SEC23A: variants seen among roughly 807,000 people sequenced by gnomAD.
SEC23A encodes protein transport protein Sec23A.
Under a neutral mutation model 103.7 loss-of-function variants are expected in SEC23A, and 56 were observed. That is an observed-to-expected ratio of 0.54 (90% CI 0.44 to 0.67). The LOEUF is 0.67. Ranked by LOEUF, SEC23A falls within the 30% of genes least tolerant of loss-of-function variation. The probability of loss-of-function intolerance (pLI) is 0.00; values close to 1 mark genes in which losing one functional copy is unlikely to be tolerated. For synonymous variants in SEC23A, 281 were observed against 293.0 expected (o/e 0.96, Z 0.42); for missense variants, 784 against 936.4 (o/e 0.84, Z 2.12).
In SEC23A at chr14:39,063,405, T is replaced by C; in HGVS notation, c.1317A>G (p.Gly439=). ...TCTTCCACTGACATGTGCCACCTGT[T>C]CCTATCTCCTGTAAAAATAAAATAT... ...KGPCVSENEI[G]TGGTCQWKIC... The change falls in exon 12 of 20, where the codon GGA becomes GGG. Residue 439 remains glycine, a synonymous_variant. Transcript: ENST00000307712. 6.3e-7 allele frequency: 1 copy of C among 1,596,282 alleles called. No individual in the cohort carries two copies. Among genetic ancestry groups the C allele is most frequent in the Non-Finnish European group, 8.6e-7 (1 of 1,164,162 alleles).
chr14:39,033,858 G>C (rs1331083264), intron 19 of SEC23A, among the ~76,000 whole-genome samples: 3 of 151,998 alleles, frequency 2.0e-5, no homozygotes, highest in Non-Finnish European at 4.4e-5. Context: ...GAATGATCTT[G>C]GTAACCCAAT....
At chr14:39,058,301 T>A (rs371985422) in intron 13 of SEC23A, among the ~76,000 whole-genome samples, 135 of 150,608 alleles carry the variant, frequency 9.0e-4, no homozygotes, top group East Asian at 5.8e-4. Context: ...TTTTTTTTTT[T>A]AATTTTTTTT....
intron 5 of SEC23A, chr14:39,088,019 C>A (rs72671398): frequency 6.6e-6 from 1 of 152,040 alleles, no homozygotes; most frequent in East Asian, 1.9e-4. Context: ...TAAGGGTTTA[C>A]ACCATATTGA....
At chr14:39,062,325 A>T (rs1886506017) in intron 12 of SEC23A, among the ~76,000 whole-genome samples, 1 of 152,164 alleles carries the variant, frequency 6.6e-6, no homozygotes, top group African/African-American at 2.4e-5. Context: ...AAATCCAAAA[A>T]TCCAAAATCC....
At chr14:39,063,051 T>C (rs1886532666) in intron 12 of SEC23A, among the ~76,000 whole-genome samples, 1 of 152,096 alleles carries the variant, frequency 6.6e-6, no homozygotes, top group Non-Finnish European at 1.5e-5. Context: ...CAATTTTATA[T>C]TCAAAAAAAA....
Position 39,103,137 on chromosome 14 carries a change from G to A in SEC23A, c.-127C>T, listed in dbSNP as rs890064401. Reference sequence around the variant, plus strand: ...AAAATCTGTCCTCTCCGCCCAGCAGGAGCAGTCCGTGGCACCGCAATCAGG... The same window carrying A: ...AAAATCTGTCCTCTCCGCCCAGCAGAAGCAGTCCGTGGCACCGCAATCAGG... On this transcript the variant is annotated 5_prime_UTR_variant, in exon 1 of 20. Transcript: ENST00000307712. The A allele has an allele frequency of 6.6e-6, 1 of 152,118 alleles. No homozygotes were observed. Among genetic ancestry groups the A allele is most frequent in the African/African-American group, 2.4e-5 (1 of 41,350 alleles). 9.4% of individuals were successfully genotyped at this position (152,118 alleles called of 1,614,324 possible).
intron 14 of SEC23A, among the ~76,000 whole-genome samples, chr14:39,052,424 T>A (rs1238731236): frequency 6.6e-6 from 1 of 152,170 alleles, no homozygotes; most frequent in East Asian, 1.9e-4. Context: ...TCTGAAGAAT[T>A]ACAATCATCT....
At chr14:39,093,012 T>C (rs1006380144) in intron 3 of SEC23A, 175 bp downstream of exon 3, 31 of 519,122 alleles carry the variant, frequency 6.0e-5, no homozygotes, top group Non-Finnish European at 9.2e-5. Context: ...TACAGGCGCC[T>C]GCCACCACGC....
chr14:39,041,972 A>C (rs1241013927), intron 17 of SEC23A, among the ~76,000 whole-genome samples: 1 of 151,998 alleles, frequency 6.6e-6, no homozygotes, highest in Non-Finnish European at 1.5e-5. Context: ...TTTTTTGTAG[A>C]GACAGGGTCT....
chr14:39,066,342 T>A (rs1594459153), intron 10 of SEC23A, among the ~76,000 whole-genome samples: 1 of 152,180 alleles, frequency 6.6e-6, no homozygotes, highest in African/African-American at 2.4e-5. Flanking sequence ...GTTAATTTAA[T>A]AAGAATCAAT....
intron 19 of SEC23A, among the ~76,000 whole-genome samples, chr14:39,034,071 A>G (rs558067493): frequency 6.6e-6 from 1 of 152,360 alleles, no homozygotes; most frequent in African/African-American, 2.4e-5. Flanking sequence ...AGTCTGGCAT[A>G]GCCACAAACA....
At chr14:39,078,473 C>G (rs1362484142) in intron 7 of SEC23A, among the ~76,000 whole-genome samples, 1 of 152,012 alleles carries the variant, frequency 6.6e-6, no homozygotes, top group Non-Finnish European at 1.5e-5. Flanking sequence ...AGCAATGAAC[C>G]AAAGAAGAAA....
At chr14:39,045,936 T>C (rs566044921) in intron 15 of SEC23A, among the ~76,000 whole-genome samples, 5 of 152,250 alleles carry the variant, frequency 3.3e-5, no homozygotes, top group African/African-American at 1.2e-4. Flanking sequence ...TCACCTTGAA[T>C]TGTCAATTCA....
chr14:39,079,622 C>G (rs1014943706), intron 7 of SEC23A, among the ~76,000 whole-genome samples: 1 of 152,042 alleles, frequency 6.6e-6, no homozygotes, highest in African/African-American at 2.4e-5. Context: ...GAGTTCGAGA[C>G]CAGCCTGGCT....
Position 39,045,288 on chromosome 14 carries a change from C to T in SEC23A, c.1774G>A (p.Val592Ile). The change falls in exon 16 of 20, where the codon GTT becomes ATT. Residue 592 changes from valine (V) to isoleucine (I), a missense_variant. This residue lies in a region of SEC23A where 683 missense variants were observed against 774.2 expected (regional missense o/e 0.88). Transcript: ENST00000307712. ...CTCTCATCAGGACTATTGTTAAAAA[C>T]TTGCAGGAAAGAAGATCTTCTTAAA... ...FHLRRSSFLQ[V>I]FNNSPDESSY... 1 of 1,611,266 alleles carries T rather than the reference C, an allele frequency of 6.2e-7. No individual in the cohort carries two copies. Among genetic ancestry groups the T allele is most frequent in the Non-Finnish European group, 8.5e-7 (1 of 1,177,676 alleles).
At chr14:39,097,898 A>G (rs956218814) in intron 1 of SEC23A, among the ~76,000 whole-genome samples, 3 of 152,124 alleles carry the variant, frequency 2.0e-5, no homozygotes, top group Admixed American at 1.3e-4. Context: ...CAGCCTGGTC[A>G]ACATGGCAAA....
Position 39,059,278 on chromosome 14 carries a change from TAAAAAAAA to T in SEC23A, c.1505+2479_1505+2486del, listed in dbSNP as rs750853379. On this transcript the variant is annotated intron_variant, in intron 13 of 19. Transcript: ENST00000307712. ...GGCCCCTAAAGTCATAGTCCTAGTT[TAAAAAAAA>T]AAAAAAAAAAAAAAAAAAAAAAAAC... Among the ~76,000 whole-genome samples the T allele has an allele frequency of 8.4e-4, 60 of 71,828 alleles. No individual in the cohort carries two copies. In the East Asian group the frequency reaches 9.7e-3, roughly 12 times the overall value. The allele number at this position is 71,828 out of a possible 152,430, so 47.1% of individuals were successfully genotyped here.
chr14:39,064,733 T>C, intron 11 of SEC23A, 180 bp downstream of exon 11: 3 of 618,592 alleles, frequency 4.8e-6, no homozygotes, highest in South Asian at 3.7e-5. Flanking sequence ...TCGCTGTGTC[T>C]TTTTTTCTTT....
At chr14:39,037,836 A>C (rs2139180231) in intron 19 of SEC23A, among the ~76,000 whole-genome samples, 1 of 152,318 alleles carries the variant, frequency 6.6e-6, no homozygotes, top group Non-Finnish European at 1.5e-5. Flanking sequence ...ACTTCTAATC[A>C]AGTCCTATTG....
Sources: allele counts gnomAD v4.1 joint callset (sites outside exome capture counted in the v4.1 genomes callset), GRCh38; gene constraint gnomAD v4.1.1; regional missense constraint gnomAD v4.1.1; transcripts MANE v1.5; gene names NCBI Gene and HGNC (gene_info 2026-07-23, HGNC 2026-07-21).